The following ARHGAP21 variants were observed in gnomAD, a reference collection of about 807,000 sequenced individuals.
ARHGAP21 encodes the protein rho GTPase-activating protein 21.
ARHGAP21 carries 38 observed loss-of-function variants against 164.6 expected under a neutral mutation model. The observed-to-expected ratio is 0.23, with a 90% CI of 0.18 to 0.30. ARHGAP21 has a LOEUF of 0.30. ARHGAP21 is among the 10% of genes least tolerant of loss of function. ARHGAP21 has a pLI of 1.00. For missense variants in ARHGAP21, 1,822 were observed against 2,370.7 expected, an observed-to-expected ratio of 0.77 and a Z score of 4.81; for synonymous variants, 766 against 857.9, an observed-to-expected ratio of 0.89 and a Z score of 1.87.
chr10:24,689,503 G>A (rs1348820534), intron 2 of ARHGAP21, among the ~76,000 whole-genome samples: 3 of 152,096 alleles, frequency 2.0e-5, no homozygotes, highest in African/African-American at 7.2e-5. Flanking sequence ...ACTTTGGGAG[G>A]CCAAGGTGGG....
At chr10:24,685,450 A>G (rs1842126825) in intron 2 of ARHGAP21, among the ~76,000 whole-genome samples, 1 of 152,218 alleles carries the variant, frequency 6.6e-6, no homozygotes, top group Admixed American at 6.5e-5. Context: ...AAAATCAAAG[A>G]TCACGATTTT....
At chr10:24,714,028 T>C (rs1002439788) in intron 2 of ARHGAP21, among the ~76,000 whole-genome samples, 2 of 152,222 alleles carry the variant, frequency 1.3e-5, no homozygotes, top group Non-Finnish European at 2.9e-5. Flanking sequence ...CACATTTAAT[T>C]ACTTACAGTC....
intron 2 of ARHGAP21, among the ~76,000 whole-genome samples, chr10:24,702,965 T>C (rs1449617409): frequency 1.3e-5 from 2 of 152,198 alleles, no homozygotes; most frequent in Non-Finnish European, 1.5e-5. Context: ...AACAGATAAA[T>C]GGTTTCAATA....
chr10:24,697,488 C>T (rs1837337335), intron 2 of ARHGAP21, among the ~76,000 whole-genome samples: 2 of 152,056 alleles, frequency 1.3e-5, no homozygotes, highest in African/African-American at 4.8e-5. Context: ...CTCCACTACT[C>T]CCTAAATGAG....
chr10:24,585,061 G>A lies in ARHGAP21; in HGVS notation c.5228C>T (p.Thr1743Ile), dbSNP rs1357501795. The change falls in exon 26 of 26, where the codon ACT becomes ATT. Residue 1743 changes from threonine (T) to isoleucine (I), a missense_variant. By Grantham distance (89) the Thr-to-Ile change is moderately conservative. Transcript: ENST00000396432. The stretch of plus-strand genomic sequence containing the variant: ...TCTGGTGGGTGTCAGTAAACTCCCA[G>A]TTGACTTTCCTTTTTTCATAACATC... The part of the protein sequence containing the change: ...VFDVMKKGKS[T>I]GSLLTPTRGE... 5 of 1,613,816 alleles carry A rather than the reference G, an allele frequency of 3.1e-6. No homozygotes were observed. Among genetic ancestry groups the A allele is most frequent in the Non-Finnish European group, 3.4e-6 (4 of 1,179,834 alleles).
chr10:24,664,023 C>A (rs1372036781), intron 4 of ARHGAP21, among the ~76,000 whole-genome samples: 1 of 152,170 alleles, frequency 6.6e-6, no homozygotes, highest in African/African-American at 2.4e-5. Context: ...CTGAATGAGA[C>A]CTTGGGGTTT....
chr10:24,619,290 A>G (rs576256009), intron 9 of ARHGAP21, among the ~76,000 whole-genome samples, 183 bp downstream of exon 9: 1 of 152,164 alleles, frequency 6.6e-6, no homozygotes, highest in South Asian at 2.1e-4. Flanking sequence ...GAAAATTGGT[A>G]CTAGAAATAA....
At chr10:24,692,643 C>A (rs1195748059) in intron 2 of ARHGAP21, among the ~76,000 whole-genome samples, 1 of 152,030 alleles carries the variant, frequency 6.6e-6, no homozygotes, top group Admixed American at 6.6e-5. Context: ...ACCAGCCTGG[C>A]CAACATGGCG....
chr10:24,603,197 A>T (rs2076886336), intron 12 of ARHGAP21, among the ~76,000 whole-genome samples: 1 of 152,220 alleles, frequency 6.6e-6, no homozygotes, highest in Non-Finnish European at 1.5e-5. Flanking sequence ...CAGGTGGAGC[A>T]AAAGAGCCTG....
Position 24,595,746 on chromosome 10 carries a change from C to T in ARHGAP21, c.3683G>A (p.Arg1228Lys). 1 of 1,613,492 alleles carries T rather than the reference C, an allele frequency of 6.2e-7. No individual in the cohort carries two copies. Among genetic ancestry groups the T allele is most frequent in the South Asian group, 1.1e-5 (1 of 91,040 alleles). ...VISSLLKSFFRKLPEPLFTND... is the reference protein window; with the variant it reads ...VISSLLKSFFKKLPEPLFTND... Reference sequence around the variant, plus strand: ...TGTGAAGAGAGGCTCAGGGAGTTTTCTGAAGAAGGATTTTAGTAAACTGCT... The same window carrying T: ...TGTGAAGAGAGGCTCAGGGAGTTTTTTGAAGAAGGATTTTAGTAAACTGCT... Residue 1228 changes from arginine (R) to lysine (K), a missense_variant, in exon 19 of 26, where the codon AGA (arginine) becomes AAA (lysine). Coordinates refer to ENST00000396432, the MANE Select transcript of ARHGAP21 (RefSeq NM_020824.4).
At chr10:24,600,993 G>A in intron 13 of ARHGAP21, 63 bp from the exon 14 acceptor site, 1 of 1,546,352 alleles carries the variant, frequency 6.5e-7, no homozygotes, top group Non-Finnish European at 8.8e-7. Flanking sequence ...GACAGGATAA[G>A]CACATTAAGC....
chr10:24,702,196 T>C (rs186210326), intron 2 of ARHGAP21, among the ~76,000 whole-genome samples: 72 of 142,230 alleles, frequency 5.1e-4, no homozygotes, highest in African/African-American at 1.8e-3. Flanking sequence ...AGTGGCGCGA[T>C]CTCGGCTCAC....
At chr10:24,653,331 T>C (rs964892321) in intron 4 of ARHGAP21, among the ~76,000 whole-genome samples, 2 of 152,008 alleles carry the variant, frequency 1.3e-5, no homozygotes, top group Middle Eastern at 3.2e-3. Flanking sequence ...TCCCAGCACT[T>C]TGGGAGGCCA....
At chr10:24,705,411 C>G (rs1348465179) in intron 2 of ARHGAP21, among the ~76,000 whole-genome samples, 1 of 152,190 alleles carries the variant, frequency 6.6e-6, no homozygotes, top group East Asian at 1.9e-4. Flanking sequence ...ATGACCTTCT[C>G]CATCTCTGAT....
intron 2 of ARHGAP21, among the ~76,000 whole-genome samples, chr10:24,703,738 C>A (rs770443881): frequency 2.6e-5 from 4 of 152,098 alleles, no homozygotes; most frequent in Non-Finnish European, 5.9e-5. Context: ...GCCTTTTCTG[C>A]GACTTGTTTT....
At chr10:24,704,293 T>C (rs1195991630) in intron 2 of ARHGAP21, among the ~76,000 whole-genome samples, 3 of 146,460 alleles carry the variant, frequency 2.0e-5, no homozygotes, top group African/African-American at 5.0e-5. Flanking sequence ...TCTTTTCTTT[T>C]TTTTTTTTTT....
At chr10:24,675,544 GTTTACACATGTAC>G (rs1051380743) in intron 2 of ARHGAP21, among the ~76,000 whole-genome samples, 3 of 152,122 alleles carry the variant, frequency 2.0e-5, no homozygotes, top group Non-Finnish European at 4.4e-5. Flanking sequence ...GAACTGTACA[GTTTACACATGTAC>G]AGTTGATTAT....
chr10:24,630,461 A>G (rs1835742060), intron 6 of ARHGAP21, among the ~76,000 whole-genome samples: 1 of 152,182 alleles, frequency 6.6e-6, no homozygotes, highest in Non-Finnish European at 1.5e-5. Flanking sequence ...GTTAAAATTC[A>G]TTAACATCAA....
rs868010917 is a variant in ARHGAP21, at chr10:24,600,667, C to T, written c.3111G>A (p.Glu1037=). Residue 1037 remains glutamate, a synonymous_variant, in exon 14 of 26, where the codon GAG becomes GAA. Coordinates refer to ENST00000396432, the MANE Select transcript of ARHGAP21 (RefSeq NM_020824.4). ...CCACCTCTTCGTTTAGGTTGCTGCTCTCCTGGATCGTCTTGATCCAAGCTA... is the reference window on the plus strand; with the variant it reads ...CCACCTCTTCGTTTAGGTTGCTGCTTTCCTGGATCGTCTTGATCCAAGCTA... The part of the protein sequence containing the change: ...DMLAWIKTIQ[E]SSNLNEEDTG... 1.2e-6 allele frequency: 2 copies of T among 1,613,848 alleles called. No individual in the cohort carries two copies. Among genetic ancestry groups the T allele is most frequent in the Non-Finnish European group, 1.7e-6 (2 of 1,179,796 alleles).
Sources: allele counts gnomAD v4.1 joint callset (sites outside exome capture counted in the v4.1 genomes callset), GRCh38; gene constraint gnomAD v4.1.1; transcripts MANE v1.5; gene names NCBI Gene and HGNC (gene_info 2026-07-23, HGNC 2026-07-21).